The following JAK1 variants were observed in gnomAD, a reference collection of about 807,000 sequenced individuals.
JAK1 encodes Janus kinase 1, also known as tyrosine-protein kinase JAK1.
Under a neutral mutation model 136.6 loss-of-function variants are expected in JAK1, and 16 were observed. The observed-to-expected ratio is 0.12, with a 90% CI of 0.08 to 0.18. JAK1 has a LOEUF of 0.18. Ranked by LOEUF, JAK1 falls within the 10% of genes least tolerant of loss-of-function variation. The pLI is 1.00. For missense variants in JAK1, 859 were observed against 1,450.1 expected, an observed-to-expected ratio of 0.59 and a Z score of 6.62; for synonymous variants, 492 against 519.5, an observed-to-expected ratio of 0.95 and a Z score of 0.72.
intron 2 of JAK1, among the ~76,000 whole-genome samples, chr1:65,018,572 A>G (rs1646910778): frequency 6.6e-6 from 1 of 152,170 alleles, no homozygotes; most frequent in Admixed American, 6.6e-5. Context: ...CACTGGAAAG[A>G]TAATAAAAGG....
intron 14 of JAK1, 37 bp downstream of exon 14, chr1:64,846,612 C>T (rs2101007270): frequency 6.5e-7 from 1 of 1,535,942 alleles, no homozygotes; most frequent in African/African-American, 1.4e-5. Context: ...AGCTCCCCAG[C>T]CAGGCCACCC....
chr1:64,888,997 G>T (rs1644894724), intron 1 of JAK1, among the ~76,000 whole-genome samples: 1 of 152,214 alleles, frequency 6.6e-6, no homozygotes, highest in African/African-American at 2.4e-5. Flanking sequence ...CACTTTATAT[G>T]AAATGACAAC....
rs2100924990 is a variant in JAK1, at chr1:64,834,611, C to T, written c.3416G>A (p.Arg1139Gln). 6.2e-7 allele frequency: 1 copy of T among 1,612,148 alleles called. No individual in the cohort carries two copies. The highest frequency in any genetic ancestry group is 8.5e-7 in the Non-Finnish European group (1 of 1,178,644). ...RKCWEFQPSN[R>Q]TSFQNLIEGF... ...TTCAATAAGGTTCTGAAAGCTTGTC[C>T]GATTGGATGGTTGGAATTCCCAGCA... is the stretch of plus-strand genomic sequence containing the variant. The change falls in exon 25 of 25, where the codon CGG (arginine) becomes CAG (glutamine). Residue 1139 changes from arginine to glutamine, a missense_variant. By Grantham distance (43) the Arg-to-Gln change is conservative. Around this residue, in one of 4 missense-constraint regions of JAK1, gnomAD observed 53 missense variants for 64.8 expected, o/e 0.82. Transcript: ENST00000342505.
At chr1:64,860,929 CGTGTGTGTGTGTGT>C (rs577274261) in intron 8 of JAK1, among the ~76,000 whole-genome samples, 25 of 48,518 alleles carry the variant, frequency 5.2e-4, no homozygotes, top group Non-Finnish European at 7.9e-4. Context: ...CCCCTGGGTC[CGTGTGTGTGTGTGT>C]GTGTGTGTGT....
intron 1 of JAK1, chr1:65,058,619 G>A (rs536541231): frequency 3.2e-5 from 14 of 435,936 alleles, no homozygotes; most frequent in African/African-American, 1.7e-4. Context: ...GGTTGGAGAC[G>A]TGAGGAGGCA....
intron 15 of JAK1, 103 bp downstream of exon 15, chr1:64,845,409 AG>A: frequency 7.5e-7 from 1 of 1,342,106 alleles, no homozygotes; most frequent in Non-Finnish European, 1.1e-6. Context: ...ATGGAACCCA[AG>A]GACAGGCCCC....
intron 2 of JAK1, among the ~76,000 whole-genome samples, chr1:65,040,782 G>A (rs140583188): frequency 4.6e-5 from 7 of 152,138 alleles, no homozygotes; most frequent in South Asian, 2.1e-4. Context: ...GGCATTTTGC[G>A]AGGGGCAAGG....
At chr1:64,861,730 A>G (rs766796029) in intron 8 of JAK1, among the ~76,000 whole-genome samples, 4 of 152,170 alleles carry the variant, frequency 2.6e-5, no homozygotes, top group Admixed American at 1.3e-4. Context: ...TGCAGCTGTA[A>G]TGCCGAAGGA....
chr1:64,849,672 CGT>C (rs1195165302), intron 12 of JAK1, among the ~76,000 whole-genome samples: 1 of 152,256 alleles, frequency 6.6e-6, no homozygotes, highest in Non-Finnish European at 1.5e-5. Context: ...GTGCCTCGCA[CGT>C]GTAATGCTTG....
At chr1:64,846,939 G>A in intron 13 of JAK1, 2 of 579,674 alleles carry the variant, frequency 3.5e-6, no homozygotes, top group East Asian at 5.6e-5. Context: ...AGGGATGTGA[G>A]GTTTATTTAG....
At chr1:64,891,461 T>C (rs1644935263) in intron 1 of JAK1, among the ~76,000 whole-genome samples, 1 of 152,202 alleles carries the variant, frequency 6.6e-6, no homozygotes, top group Admixed American at 6.5e-5. Flanking sequence ...AAAAAATCAC[T>C]GCATGGCCCC....
intron 1 of JAK1, among the ~76,000 whole-genome samples, chr1:64,957,380 T>TCC (rs1195623292): frequency 6.6e-6 from 1 of 152,222 alleles, no homozygotes; most frequent in East Asian, 1.9e-4. Flanking sequence ...CTCACCAGCC[T>TCC]CCACCTTTGT....
chr1:64,965,022 G>C (rs1180296036), intron 1 of JAK1, among the ~76,000 whole-genome samples: 1 of 152,104 alleles, frequency 6.6e-6, no homozygotes, highest in African/African-American at 2.4e-5. Context: ...GTTTTGGAAA[G>C]GGAAGAACAA....
chr1:65,064,587 A>C (rs572040853), intron 1 of JAK1, among the ~76,000 whole-genome samples: 1 of 152,364 alleles, frequency 6.6e-6, no homozygotes, highest in African/African-American at 2.4e-5. Context: ...ACTGAGTGAG[A>C]TTCAAAGACA....
In JAK1 at chr1:64,866,862, T is replaced by C; in HGVS notation, c.990+4A>G. On this transcript the variant is annotated splice_donor_region_variant and intron_variant, in intron 7 of 24. Transcript: ENST00000342505. ...TCTTTGATCGACTGCCAACAGCCAC[T>C]TACATTTGGTTTATGCCTCCACTGG... 1 of 1,601,764 alleles carries C rather than the reference T, an allele frequency of 6.2e-7. No homozygotes were observed. The highest frequency in any genetic ancestry group is 8.5e-7 in the Non-Finnish European group (1 of 1,170,914).
chr1:65,029,025 G>T (rs1437097603), intron 2 of JAK1, among the ~76,000 whole-genome samples: 1 of 152,110 alleles, frequency 6.6e-6, no homozygotes, highest in African/African-American at 2.4e-5. Context: ...TACTATGCAG[G>T]GGTCAAGGCT....
At chr1:64,880,958 C>T (rs1053775755) in intron 3 of JAK1, among the ~76,000 whole-genome samples, 4 of 151,696 alleles carry the variant, frequency 2.6e-5, no homozygotes, top group Admixed American at 6.6e-5. Flanking sequence ...AACAAACAAA[C>T]AAATAAATAA....
chr1:64,868,640 G>A (rs930080741), intron 6 of JAK1, among the ~76,000 whole-genome samples: 1 of 152,120 alleles, frequency 6.6e-6, no homozygotes, highest in Non-Finnish European at 1.5e-5. Context: ...GCAACCTAAT[G>A]AGAAGACGCA....
rs1655085703 is a variant in JAK1, at chr1:64,844,233, CACTG to C, written c.2252-22_2252-19del. 3 of 1,614,152 alleles carry C rather than the reference CACTG, an allele frequency of 1.9e-6. No individual in the cohort carries two copies. The highest frequency in any genetic ancestry group is 2.5e-6 in the Non-Finnish European group (3 of 1,179,960). On this transcript the variant is annotated intron_variant, in intron 16 of 24. Coordinates refer to ENST00000342505, the MANE Select transcript of JAK1 (RefSeq NM_002227.4). This position sits in a 1 kb window ranked among gnomAD's most constrained non-coding sequence, Gnocchi z 5.7. ...AATGCATTCTGGAAGACAACAGACA[CACTG>C]ATGGAGCAGTTTCTGGGATCTCCTA...
Sources: gnomAD v4.1 joint callset for allele counts (sites outside exome capture counted in the v4.1 genomes callset) on GRCh38, gnomAD v4.1.1 for gene constraint, gnomAD v4.1.1 regional missense constraint, Gnocchi (gnomAD v3.1) non-coding constraint, MANE v1.5 for transcripts, NCBI Gene and HGNC (gene_info 2026-07-23, HGNC 2026-07-21) for gene names.